PKP4: variants seen among roughly 807,000 people sequenced by gnomAD.
PKP4 encodes plakophilin-4.
A neutral mutation model predicts 145.1 loss-of-function variants in PKP4; 90 were observed. The observed-to-expected ratio is 0.62, with a 90% confidence interval of 0.52 to 0.74. The LOEUF (loss-of-function observed/expected upper bound fraction) is 0.74. PKP4 is among the 30% of genes least tolerant of loss of function. The pLI is 0.00. For synonymous variants in PKP4, 563 were observed against 577.2 expected (o/e 0.98, Z 0.35); for missense variants, 1,340 against 1,482.7 (o/e 0.90, Z 1.58).
At chr2:158,619,218 A>T (rs531636603) in intron 4 of PKP4, among the ~76,000 whole-genome samples, 1 of 152,330 alleles carries the variant, frequency 6.6e-6, no homozygotes, top group African/African-American at 2.4e-5. Flanking sequence ...AAAACTCATG[A>T]TAGAAGATGT....
chr2:158,607,498 A>G (rs1180215886), intron 4 of PKP4, among the ~76,000 whole-genome samples: 2 of 152,158 alleles, frequency 1.3e-5, no homozygotes, highest in Non-Finnish European at 1.5e-5. Context: ...GAAAGCTGCT[A>G]TCATCCCTAG....
chr2:158,527,333 A>G (rs1426430817), intron 1 of PKP4, among the ~76,000 whole-genome samples: 10 of 143,460 alleles, frequency 7.0e-5, no homozygotes, highest in African/African-American at 1.6e-4. Context: ...ATAACGCTGC[A>G]TACCTACAAC....
chr2:158,597,986 AT>A (rs11392229), intron 3 of PKP4, among the ~76,000 whole-genome samples: 4 of 150,076 alleles, frequency 2.7e-5, no homozygotes, highest in African/African-American at 7.3e-5. Context: ...ATGCCCGGCA[AT>A]TTTTTTTTTA....
At chr2:158,662,603 G>A (rs1298368979) in intron 13 of PKP4, 2 of 229,110 alleles carry the variant, frequency 8.7e-6, no homozygotes, top group East Asian at 8.6e-5. Context: ...CATCATGGGT[G>A]CAGTCTGCAC....
intron 11 of PKP4, among the ~76,000 whole-genome samples, chr2:158,657,556 A>G (rs564193024): frequency 6.6e-6 from 1 of 152,356 alleles, no homozygotes; most frequent in South Asian, 2.1e-4. Context: ...AAGGTGGATG[A>G]AGCAAATATA....
intron 1 of PKP4, among the ~76,000 whole-genome samples, chr2:158,506,243 TC>T (rs892824583): frequency 3.3e-5 from 5 of 152,164 alleles, no homozygotes; most frequent in Non-Finnish European, 5.9e-5. Context: ...TAAGTGGCCT[TC>T]CTCCAAGCTT....
At chr2:158,675,167 A>G (rs73006944) in intron 19 of PKP4, among the ~76,000 whole-genome samples, 6 of 152,354 alleles carry the variant, frequency 3.9e-5, no homozygotes, top group African/African-American at 1.4e-4. Flanking sequence ...GTGTGGCTCT[A>G]TAACAAAAGG....
chr2:158,557,590 A>C (rs1021854102), intron 2 of PKP4, among the ~76,000 whole-genome samples: 1 of 152,176 alleles, frequency 6.6e-6, no homozygotes. Context: ...GAAAATGCCA[A>C]GTTTTGCCAG....
At position 158,629,294 on chromosome 2, in the gene PKP4, ATGAG is replaced by A. The variant is rs2053128215; in HGVS notation, c.1154-2458_1154-2455del. On this transcript the variant is annotated intron_variant, in intron 7 of 21. Coordinates refer to ENST00000389759, the MANE Select transcript of PKP4 (RefSeq NM_003628.6). ...TTTCCTCACCATGTGCCGTTGCTCCATGAGGGATAGCTGTGTCCAGTATTGGGTG... is the reference window on the plus strand; with the variant it reads ...TTTCCTCACCATGTGCCGTTGCTCCAGGATAGCTGTGTCCAGTATTGGGTG... 2.0e-5 allele frequency among the ~76,000 whole-genome samples: 3 copies of A among 152,206 alleles called. 1 individual carries two copies. The South Asian group carries it at 6.2e-4, about 32-fold the overall frequency.
At chr2:158,512,405 G>GA (rs1481541349) in intron 1 of PKP4, among the ~76,000 whole-genome samples, 3 of 152,310 alleles carry the variant, frequency 2.0e-5, no homozygotes, top group Admixed American at 2.0e-4. Flanking sequence ...TACAGTGCAT[G>GA]AGCACAGCCA....
chr2:158,497,887 C>T (rs1158893864), intron 1 of PKP4, among the ~76,000 whole-genome samples: 1 of 152,092 alleles, frequency 6.6e-6, no homozygotes, highest in Non-Finnish European at 1.5e-5. Flanking sequence ...GTTGCCTGTT[C>T]GGTATACAGT....
At chr2:158,608,705 A>G (rs1160028374) in intron 4 of PKP4, among the ~76,000 whole-genome samples, 6 of 151,724 alleles carry the variant, frequency 4.0e-5, no homozygotes, top group Admixed American at 1.3e-4. Context: ...TTTCAGCCAT[A>G]TTTATGACAT....
At chr2:158,613,081 A>T (rs1323367552) in intron 4 of PKP4, among the ~76,000 whole-genome samples, 1 of 152,162 alleles carries the variant, frequency 6.6e-6, no homozygotes, top group Admixed American at 6.5e-5. Context: ...ACACACTGCT[A>T]TACTTCAGAG....
chr2:158,463,053 A>G (rs914069229), intron 1 of PKP4, among the ~76,000 whole-genome samples: 3 of 152,202 alleles, frequency 2.0e-5, no homozygotes, highest in Non-Finnish European at 4.4e-5. Context: ...TCAACAGGAT[A>G]TTTCAGAGAA....
At chr2:158,574,658 G>T (rs1250173374) in intron 2 of PKP4, among the ~76,000 whole-genome samples, 4 of 152,192 alleles carry the variant, frequency 2.6e-5, no homozygotes, top group Non-Finnish European at 5.9e-5. Flanking sequence ...AACATTTACA[G>T]GTGTTAAGTC....
At chr2:158,509,669 C>T (rs767312496) in intron 1 of PKP4, among the ~76,000 whole-genome samples, 47 of 152,108 alleles carry the variant, frequency 3.1e-4, no homozygotes, top group East Asian at 2.5e-3. Flanking sequence ...TAGTGTGGGC[C>T]GGGCGCGGTG....
chr2:158,542,673 A>G (rs1047475057), intron 2 of PKP4, among the ~76,000 whole-genome samples: 2 of 152,212 alleles, frequency 1.3e-5, no homozygotes, highest in African/African-American at 2.4e-5. Flanking sequence ...AGAATGGATC[A>G]TCTCTGACAG....
chr2:158,623,297 C>T (rs2052433146), intron 6 of PKP4, among the ~76,000 whole-genome samples: 1 of 152,164 alleles, frequency 6.6e-6, no homozygotes, highest in Admixed American at 6.5e-5. Context: ...ACTCAGCCTC[C>T]TGGAGTAGCT....
chr2:158,535,658 A>C (rs1053703356), intron 2 of PKP4, among the ~76,000 whole-genome samples: 3 of 152,088 alleles, frequency 2.0e-5, no homozygotes, highest in African/African-American at 7.2e-5. Flanking sequence ...GGCCGCATGC[A>C]GTCCTCCTGC....
Sources: allele counts gnomAD v4.1 joint callset (sites outside exome capture counted in the v4.1 genomes callset), GRCh38; gene constraint gnomAD v4.1.1; transcripts MANE v1.5; gene names NCBI Gene and HGNC (gene_info 2026-07-23, HGNC 2026-07-21).